DENND2D: variants seen among roughly 807,000 people sequenced by gnomAD.
DENND2D encodes DENN domain containing 2D.
A neutral mutation model predicts 59.8 loss-of-function variants in DENND2D; 37 were observed. The ratio of observed to expected loss-of-function variants is 0.62; its 90% confidence interval spans 0.48 to 0.81. The LOEUF (loss-of-function observed/expected upper bound fraction) is 0.81. DENND2D is among the 40% of genes least tolerant of loss of function. The pLI is 0.00. For missense variants in DENND2D, 525 were observed against 579.7 expected (o/e 0.91, Z 0.97); for synonymous variants, 219 against 211.3 (o/e 1.04, Z -0.31).
chr1:111,189,970 C>T (rs144765599), intron 8 of DENND2D, among the ~76,000 whole-genome samples: 2 of 152,028 alleles, frequency 1.3e-5, no homozygotes, highest in African/African-American at 4.8e-5. Context: ...CGAGACCATC[C>T]TGGCTAACAC....
chr1:111,203,778 T>G (rs920513288), upstream of DENND2D, among the ~76,000 whole-genome samples: 37 of 150,850 alleles, frequency 2.5e-4, no homozygotes, highest in African/African-American at 8.8e-4. Flanking sequence ...CGAGGGTGGG[T>G]GGGGGTGGTA....
At position 111,197,159 on chromosome 1, in the gene DENND2D, A is replaced by G. The variant is rs892189635; in HGVS notation, c.504+17T>C. 5.1e-6 allele frequency: 7 copies of G among 1,359,440 alleles called. No homozygotes were observed. The East Asian group carries it at 1.6e-4, about 31-fold the overall frequency. The allele number at this position is 1,359,440 out of a possible 1,614,324, so 84.2% of individuals were successfully genotyped here. On this transcript the variant is annotated intron_variant, in intron 5 of 11. Coordinates refer to ENST00000357640, the MANE Select transcript of DENND2D (RefSeq NM_024901.5). ...CAGCCTGGAATATGGGCAGGCCCTG[A>G]GGAATCCTATCCCTACCTTGGAGAA... is the stretch of plus-strand genomic sequence containing the variant.
At chr1:111,187,913 G>A (rs1360335325) in intron 11 of DENND2D, among the ~76,000 whole-genome samples, 1 of 152,188 alleles carries the variant, frequency 6.6e-6, no homozygotes, top group African/African-American at 2.4e-5. Context: ...AGAGGAAAGG[G>A]CTCAGTCCTG....
chr1:111,201,779 G>A (rs1208377995), upstream of DENND2D, among the ~76,000 whole-genome samples: 2 of 152,194 alleles, frequency 1.3e-5, no homozygotes, highest in African/African-American at 4.8e-5. Flanking sequence ...GCTCCTAAGA[G>A]CTCTAGACCT....
chr1:111,196,492 G>C (rs1658240383), intron 5 of DENND2D: 1 of 162,844 alleles, frequency 6.1e-6, no homozygotes. Context: ...CCCGAGGTCA[G>C]AGACTGCCTC....
At chr1:111,196,957 A>G in intron 5 of DENND2D, 1 of 531,612 alleles carries the variant, frequency 1.9e-6, no homozygotes, top group East Asian at 3.1e-5. Context: ...TAGAGTGGGA[A>G]CAGTAGCTGT....
chr1:111,194,283 A>G (rs1298433569), intron 7 of DENND2D, among the ~76,000 whole-genome samples: 1 of 152,174 alleles, frequency 6.6e-6, no homozygotes, highest in Non-Finnish European at 1.5e-5. Context: ...GGGCAGAATC[A>G]TGTCTGCATC....
intron 7 of DENND2D, 79 bp from the exon 8 acceptor site, chr1:111,192,396 C>T (rs1346493254): frequency 2.8e-6 from 4 of 1,409,794 alleles, no homozygotes; most frequent in Non-Finnish European, 3.8e-6. Flanking sequence ...CCACCACCAA[C>T]AGCAGCTAGA....
chr1:111,201,768 T>G (rs933967204), upstream of DENND2D, among the ~76,000 whole-genome samples: 3 of 152,212 alleles, frequency 2.0e-5, no homozygotes, highest in African/African-American at 7.2e-5. Context: ...ACAGCTGCTT[T>G]GCTCCTAAGA....
upstream of DENND2D, chr1:111,204,261 G>A (rs553615017): frequency 4.8e-6 from 7 of 1,455,604 alleles, no homozygotes; most frequent in African/African-American, 3.0e-5. Context: ...CGGTGCCCAC[G>A]CCGTCCCCCC....
chr1:111,188,639 G>T, intron 10 of DENND2D, 63 bp downstream of exon 10: 1 of 1,441,194 alleles, frequency 6.9e-7, no homozygotes, highest in Non-Finnish European at 9.7e-7. Context: ...TTCTGGAAGG[G>T]AATGATTGAG....
intron 2 of DENND2D, 92 bp from the exon 3 acceptor site, chr1:111,198,834 C>A: frequency 1.5e-6 from 2 of 1,299,778 alleles, no homozygotes; most frequent in Non-Finnish European, 2.2e-6. Context: ...CTTTGAGGCT[C>A]TAAAGCAGTC....
chr1:111,199,061 C>T (rs1284305003), intron 2 of DENND2D, among the ~76,000 whole-genome samples: 1 of 152,232 alleles, frequency 6.6e-6, no homozygotes, highest in South Asian at 2.1e-4. Context: ...ATGGCCCAGG[C>T]CCCTGGGAGG....
intron 2 of DENND2D, among the ~76,000 whole-genome samples, chr1:111,199,076 C>T (rs564655329): frequency 3.2e-4 from 48 of 152,344 alleles, no homozygotes; most frequent in African/African-American, 1.2e-3. Context: ...GGGAGGACAA[C>T]ATCAGAGAGG....
At chr1:111,192,621 A>C (rs1029459712) in intron 7 of DENND2D, among the ~76,000 whole-genome samples, 4 of 152,214 alleles carry the variant, frequency 2.6e-5, no homozygotes, top group African/African-American at 9.7e-5. Flanking sequence ...AAGAGGGAAG[A>C]AGAGTTGCTT....
At chr1:111,204,180 C>A, upstream of DENND2D, 1 of 1,168,348 alleles carries the variant, frequency 8.6e-7, no homozygotes, top group South Asian at 1.9e-5. Flanking sequence ...CCCCTTCCAA[C>A]TGCTCCCGGA....
rs1195764876 is a variant in DENND2D, at chr1:111,197,757, G to A, written c.426+163C>T. ...GGGCATCAGGTCCTCGTGCTTGTGG[G>A]GCTGCAGAGGGAGCACTAGCATGGC... On this transcript the variant is annotated intron_variant, in intron 4 of 11. Transcript: ENST00000357640. The A allele has an allele frequency of 4.9e-6, 7 of 1,437,932 alleles. No individual in the cohort carries two copies. In the African/African-American group the frequency reaches 5.7e-5, roughly 12 times the overall value. The allele number at this position is 1,437,932 out of a possible 1,614,324, so 89.1% of individuals were successfully genotyped here.
intron 6 of DENND2D, 50 bp from the exon 7 acceptor site, chr1:111,194,776 G>T (rs9970286): frequency 1.2e-6 from 2 of 1,601,848 alleles, no homozygotes; most frequent in Non-Finnish European, 1.7e-6. Flanking sequence ...GCAAGATCAT[G>T]CAGACCCCGA....
chr1:111,203,140 G>A (rs1469450537), upstream of DENND2D, among the ~76,000 whole-genome samples: 1 of 152,240 alleles, frequency 6.6e-6, no homozygotes, highest in African/African-American at 2.4e-5. Flanking sequence ...TCTCCCTGAT[G>A]GTGCAGATGG....
Sources: allele counts gnomAD v4.1 joint callset (sites outside exome capture counted in the v4.1 genomes callset), GRCh38; gene constraint gnomAD v4.1.1; transcripts MANE v1.5; gene names NCBI Gene and HGNC (gene_info 2026-07-23, HGNC 2026-07-21).